CLSPN: variants seen among roughly 807,000 people sequenced by gnomAD.
CLSPN encodes the protein claspin homolog.
Under a neutral mutation model 156.3 loss-of-function variants are expected in CLSPN, and 85 were observed. The ratio of observed to expected loss-of-function variants is 0.54; its 90% CI spans 0.46 to 0.65. CLSPN has a LOEUF of 0.65. Among genes scored for constraint, CLSPN ranks in the 30% least tolerant of loss-of-function variants. CLSPN has a pLI of 0.00. For missense variants in CLSPN, 1,407 were observed against 1,554.9 expected (o/e 0.90, Z 1.60); for synonymous variants, 534 against 542.4 (o/e 0.98, Z 0.22).
At position 35,737,418 on chromosome 1, in the gene CLSPN, C is replaced by A; in HGVS notation, c.3668G>T (p.Ser1223Ile). The change falls in exon 23 of 25, where the codon AGT becomes ATT. Residue 1223 changes from serine to isoleucine, a missense_variant. By Grantham distance (142) the Ser-to-Ile change is moderately radical. Around this residue, in one of 3 missense-constraint regions of CLSPN, gnomAD observed 241 missense variants for 240.5 expected, o/e 1.00. Coordinates refer to ENST00000318121, the MANE Select transcript of CLSPN (RefSeq NM_022111.4). ...TGATTCCTGAATAACCATAGGGCGA[C>A]TGGCTGGAAAGAAAAGACAGAGAGG... ...VTAKALQKNA[S>I]RPMVIQESKS... 6.2e-7 allele frequency: 1 copy of A among 1,612,998 alleles called. No homozygotes were observed. Among genetic ancestry groups the A allele is most frequent in the Non-Finnish European group, 8.5e-7 (1 of 1,179,118 alleles).
Position 35,735,429 on chromosome 1 carries a change from T to G in CLSPN, c.*1067A>C. ...CCATCTAAGAAATCGTTCTTTTGGC[T>G]GGGCACAGTGGCTCACGCCTGTAAT... On this transcript the variant is annotated 3_prime_UTR_variant, in exon 25 of 25. Coordinates refer to ENST00000318121, the MANE Select transcript of CLSPN (RefSeq NM_022111.4). 1.0e-6 allele frequency: 1 copy of G among 985,320 alleles called. No homozygotes were observed. The highest frequency in any genetic ancestry group is 1.2e-6 in the Non-Finnish European group (1 of 829,838). 61.0% of individuals were successfully genotyped at this position (985,320 alleles called of 1,614,324 possible).
intron 8 of CLSPN, among the ~76,000 whole-genome samples, chr1:35,758,600 G>A (rs563055704): frequency 3.3e-5 from 5 of 151,880 alleles, no homozygotes; most frequent in South Asian, 2.1e-4. Flanking sequence ...AGCCGAGATC[G>A]CAGCATTGCA....
At position 35,762,531 on chromosome 1, in the gene CLSPN, G is replaced by T. The variant is rs1642518693; in HGVS notation, c.745-50C>A. On this transcript the variant is annotated intron_variant, in intron 4 of 24. Transcript: ENST00000318121. ...GGACAAAAACGAAATTCAAATAAGA[G>T]GATGCTTTAGCTGAAGACTACTTTT... The T allele has an allele frequency of 2.1e-6, 3 of 1,436,116 alleles. No individual in the cohort carries two copies. In the South Asian group the frequency reaches 3.4e-5, roughly 16 times the overall value. The allele number at this position is 1,436,116 out of a possible 1,614,324, so 89.0% of individuals were successfully genotyped here. A position where few individuals can be genotyped will look rare whatever the true frequency, so the allele number is the denominator to read the frequency against.
chr1:35,741,771 G>A (rs930371984), intron 18 of CLSPN, among the ~76,000 whole-genome samples: 2 of 151,346 alleles, frequency 1.3e-5, no homozygotes, highest in Non-Finnish European at 3.0e-5. Context: ...TCAAGAGATC[G>A]AGACCATCCT....
downstream of CLSPN, among the ~76,000 whole-genome samples, chr1:35,728,323 C>G (rs1358148803): frequency 6.6e-6 from 1 of 152,124 alleles, no homozygotes; most frequent in East Asian, 1.9e-4. Flanking sequence ...TTCAAGCAAA[C>G]CCCCCACCTC....
rs1198296384 is a variant in CLSPN, at chr1:35,734,952, T to C, written c.*1544A>G. On this transcript the variant is annotated 3_prime_UTR_variant, in exon 25 of 25. Coordinates refer to ENST00000318121, the MANE Select transcript of CLSPN (RefSeq NM_022111.4). ...GAAGCTTGTGGTAGTTCAGGGAAAATGGAGAATGATGGCAATTCTCTTCAA... is the reference window on the plus strand; with the variant it reads ...GAAGCTTGTGGTAGTTCAGGGAAAACGGAGAATGATGGCAATTCTCTTCAA... 1 of 985,306 alleles carries C rather than the reference T, an allele frequency of 1.0e-6. No individual in the cohort carries two copies. The highest frequency in any genetic ancestry group is 1.7e-5 in the African/African-American group (1 of 57,250). The allele number at this position is 985,306 out of a possible 1,614,324, so 61.0% of individuals were successfully genotyped here.
intron 24 of CLSPN, among the ~76,000 whole-genome samples, chr1:35,721,857 G>A (rs1641080531): frequency 6.6e-6 from 1 of 151,954 alleles, no homozygotes; most frequent in Non-Finnish European, 1.5e-5. Context: ...GCCTATATTG[G>A]GCCTGGTGTG....
chr1:35,764,661 G>A lies in CLSPN; in HGVS notation c.187C>T (p.Gln63Ter). 6.3e-7 allele frequency: 1 copy of A among 1,595,904 alleles called. No homozygotes were observed. The highest frequency in any genetic ancestry group is 8.5e-7 in the Non-Finnish European group (1 of 1,175,140). ...TCCTCTGTTTCGGAATCACTGTCTT[G>A]TAGAACCTTCCTGTTTTTCAACTTC... is the stretch of plus-strand genomic sequence containing the variant. ...SKKLKNRKVL[Q>*]DSDSETEDTN... The change falls in exon 3 of 25, where the codon CAA becomes TAA. Residue 63 changes from glutamine (Q) to a stop codon, truncating the protein, a stop_gained. Coordinates refer to ENST00000318121, the MANE Select transcript of CLSPN (RefSeq NM_022111.4). LOFTEE classifies it high-confidence loss of function.
At chr1:35,729,475 C>A (rs998801954), downstream of CLSPN, among the ~76,000 whole-genome samples, 1 of 152,138 alleles carries the variant, frequency 6.6e-6, no homozygotes, top group Non-Finnish European at 1.5e-5. Flanking sequence ...AAATGAAAAA[C>A]CTTTAAGGTG....
At chr1:35,725,174 T>C (rs997377915) in intron 24 of CLSPN, among the ~76,000 whole-genome samples, 3 of 152,122 alleles carry the variant, frequency 2.0e-5, no homozygotes, top group Non-Finnish European at 4.4e-5. Context: ...CAGCTGCAAA[T>C]CCACTGCACC....
rs201290049 is a variant in CLSPN, at chr1:35,749,434, A to G, written c.2272+33T>C. On this transcript the variant is annotated intron_variant, in intron 12 of 24. Transcript: ENST00000318121. ...AATATCAAAGCTGAGGGACAAAAGA[A>G]ATGTTAAGTTCTGCACAAGAATCAC... The G allele has an allele frequency of 2.0e-5, 32 of 1,604,372 alleles. No individual in the cohort carries two copies. The East Asian group carries it at 7.1e-4, about 36-fold the overall frequency.
intron 18 of CLSPN, among the ~76,000 whole-genome samples, chr1:35,741,238 A>T (rs1180535758): frequency 6.6e-6 from 1 of 152,204 alleles, no homozygotes; most frequent in African/African-American, 2.4e-5. Flanking sequence ...CATAAAAAAG[A>T]TTAAGGGGAA....
At chr1:35,767,295 G>C (rs975242092) in intron 1 of CLSPN, among the ~76,000 whole-genome samples, 13 of 152,126 alleles carry the variant, frequency 8.5e-5, no homozygotes, top group African/African-American at 2.9e-4. Context: ...TAATATCGTA[G>C]TATCTATTTT....
Position 35,761,982 on chromosome 1 carries a change from T to C in CLSPN, c.895+16A>G, listed in dbSNP as rs1433894966. On this transcript the variant is annotated intron_variant, in intron 6 of 24. Transcript: ENST00000318121. ...AATGTTGTGATTTTGCCTCAAAGTT[T>C]ACTGGGTTGCATTACCTCGAATAAG... 3.8e-6 allele frequency: 6 copies of C among 1,593,450 alleles called. No individual in the cohort carries two copies. Among genetic ancestry groups the C allele is most frequent in the Non-Finnish European group, 5.2e-6 (6 of 1,164,604 alleles).
intron 24 of CLSPN, among the ~76,000 whole-genome samples, chr1:35,725,242 C>T (rs1385487213): frequency 6.6e-6 from 1 of 152,174 alleles, no homozygotes; most frequent in East Asian, 1.9e-4. Context: ...CCTTCTCACC[C>T]ACCCCTTCCA....
intron 12 of CLSPN, chr1:35,748,805 T>G: frequency 1.7e-6 from 1 of 572,658 alleles, no homozygotes; most frequent in Middle Eastern, 3.9e-4. Flanking sequence ...CTGAGCTAAG[T>G]GACACTTGAA....
At chr1:35,749,086 A>G (rs1641996238) in intron 12 of CLSPN, among the ~76,000 whole-genome samples, 1 of 151,984 alleles carries the variant, frequency 6.6e-6, no homozygotes, top group Non-Finnish European at 1.5e-5. Context: ...CAGCCTCCCA[A>G]AGTGCTGGGA....
chr1:35,744,532 G>A (rs1409782457), intron 16 of CLSPN, among the ~76,000 whole-genome samples: 1 of 152,132 alleles, frequency 6.6e-6, no homozygotes, highest in Non-Finnish European at 1.5e-5. Flanking sequence ...CTGAGCTCAA[G>A]TGATGCGCCC....
In CLSPN at chr1:35,736,904, A is replaced by G; in HGVS notation, c.3909+10T>C. 1 of 1,609,770 alleles carries G rather than the reference A, an allele frequency of 6.2e-7. No individual in the cohort carries two copies. Among genetic ancestry groups the G allele is most frequent in the Non-Finnish European group, 8.5e-7 (1 of 1,178,556 alleles). On this transcript the variant is annotated intron_variant, in intron 24 of 24. Coordinates refer to ENST00000318121, the MANE Select transcript of CLSPN (RefSeq NM_022111.4). ...TGGGAAGCCACCATATTAGTTCTCA[A>G]ATTCCATACCTGAGACTTAGACGAT...
Sources: allele counts gnomAD v4.1 joint callset (sites outside exome capture counted in the v4.1 genomes callset), GRCh38; gene constraint gnomAD v4.1.1; regional missense constraint gnomAD v4.1.1; transcripts MANE v1.5; gene names NCBI Gene and HGNC (gene_info 2026-07-23, HGNC 2026-07-21).